The following FBXO15 variants were observed in gnomAD, a reference collection of about 807,000 sequenced individuals.
FBXO15 encodes F-box protein 15.
Under a neutral mutation model 49.5 loss-of-function variants are expected in FBXO15, and 30 were observed. That is an observed-to-expected ratio of 0.61 (90% CI 0.45 to 0.82). The LOEUF is 0.82. Among genes scored for constraint, FBXO15 ranks in the 40% least tolerant of loss-of-function variants. The probability of loss-of-function intolerance (pLI) is 0.00; values close to 1 mark genes in which losing one functional copy is unlikely to be tolerated. For missense variants in FBXO15, 591 were observed against 631.5 expected (o/e 0.94, Z 0.69); for synonymous variants, 250 against 232.7 (o/e 1.07, Z -0.68).
At chr18:74,103,742 A>G (rs1913625087) in intron 8 of FBXO15, among the ~76,000 whole-genome samples, 3 of 152,150 alleles carry the variant, frequency 2.0e-5, no homozygotes, top group Admixed American at 1.3e-4. Context: ...AAAGAAAAAG[A>G]AAATTGCCAT....
chr18:74,120,231 A>G (rs573290150), intron 8 of FBXO15, among the ~76,000 whole-genome samples: 1 of 152,322 alleles, frequency 6.6e-6, no homozygotes, highest in East Asian at 1.9e-4. Flanking sequence ...GCAAAAAAGT[A>G]CACAAATTCA....
chr18:74,082,723 C>T (rs1912558878), intron 8 of FBXO15, among the ~76,000 whole-genome samples: 1 of 152,198 alleles, frequency 6.6e-6, no homozygotes, highest in African/African-American at 2.4e-5. Flanking sequence ...CTCACACAGA[C>T]ACAAGCTTCC....
intron 8 of FBXO15, among the ~76,000 whole-genome samples, chr18:74,086,689 C>T (rs1364341211): frequency 2.0e-5 from 3 of 152,134 alleles, no homozygotes; most frequent in Non-Finnish European, 4.4e-5. Context: ...GGATTATAGG[C>T]GTGAGCCACC....
In FBXO15 at chr18:74,125,951, T is replaced by C. The variant is rs746724977; in HGVS notation, c.912+24A>G. On this transcript the variant is annotated intron_variant, in intron 6 of 9. Transcript: ENST00000419743. ...GTATTGTGATGGGGAAATGACACAG[T>C]ACATACAGGGACTCAAGTCTTACCT... 1.2e-6 allele frequency: 2 copies of C among 1,613,186 alleles called. 1 individual carries two copies. Among genetic ancestry groups the C allele is most frequent in the South Asian group, 2.2e-5 (2 of 91,038 alleles).
intron 1 of FBXO15, among the ~76,000 whole-genome samples, chr18:74,142,754 C>G (rs1979164798): frequency 6.6e-6 from 1 of 152,112 alleles, no homozygotes; most frequent in Admixed American, 6.5e-5. Context: ...GACCCTATAT[C>G]TAAAGAAAGT....
chr18:74,101,887 T>C (rs573799604), intron 8 of FBXO15, among the ~76,000 whole-genome samples: 26 of 152,120 alleles, frequency 1.7e-4, no homozygotes, highest in Admixed American at 6.6e-5. Flanking sequence ...ATTCAACAAA[T>C]GTGCTGGGAT....
intron 8 of FBXO15, among the ~76,000 whole-genome samples, chr18:74,117,278 C>T (rs969675415): frequency 6.6e-6 from 1 of 152,064 alleles, no homozygotes; most frequent in Non-Finnish European, 1.5e-5. Context: ...TCACAAAAGG[C>T]CAATTATTCC....
rs1416561717 is a variant in FBXO15 at position 74,073,372 on chromosome 18, C to A, written c.*89G>T. On this transcript the variant is annotated 3_prime_UTR_variant, in exon 10 of 10. Coordinates refer to ENST00000419743, the MANE Select transcript of FBXO15 (RefSeq NM_001142958.2). The stretch of plus-strand genomic sequence containing the variant: ...ATGAAAGGCATTGCACAGCACTCTG[C>A]AGATTTGCTTTATTTTAATTTTCAA... The A allele has an allele frequency of 2.2e-6, 3 of 1,358,868 alleles. No individual in the cohort carries two copies. The highest frequency in any genetic ancestry group is 2.3e-5 in the East Asian group (1 of 43,498). 84.2% of individuals were successfully genotyped at this position (1,358,868 alleles called of 1,614,324 possible). A position where few individuals can be genotyped will look rare whatever the true frequency, so the allele number is the denominator to read the frequency against.
At chr18:74,121,051 A>G (rs151197669) in intron 8 of FBXO15, among the ~76,000 whole-genome samples, 3 of 152,298 alleles carry the variant, frequency 2.0e-5, no homozygotes, top group East Asian at 3.9e-4. Flanking sequence ...CTTTATGCCA[A>G]TAAAGTCAGC....
intron 8 of FBXO15, among the ~76,000 whole-genome samples, chr18:74,095,383 G>A (rs1177416453): frequency 1.3e-5 from 2 of 152,222 alleles, no homozygotes; most frequent in African/African-American, 2.4e-5. Context: ...TAAAGTGAGA[G>A]ACATGCAACT....
intron 9 of FBXO15, among the ~76,000 whole-genome samples, chr18:74,080,585 A>G (rs541533536): frequency 2.0e-5 from 3 of 152,350 alleles, no homozygotes; most frequent in East Asian, 3.9e-4. Context: ...GAGCTCATGT[A>G]AAGGTCCAAT....
At chr18:74,093,352 G>A (rs1913140139) in intron 8 of FBXO15, among the ~76,000 whole-genome samples, 1 of 152,060 alleles carries the variant, frequency 6.6e-6, no homozygotes, top group Non-Finnish European at 1.5e-5. Context: ...GCTGGTGCGT[G>A]TCAGCGAGGG....
At chr18:74,097,053 G>A (rs1913310774) in intron 8 of FBXO15, 2 of 152,412 alleles carry the variant, frequency 1.3e-5, no homozygotes, top group African/African-American at 4.8e-5. Context: ...TGAAATACTG[G>A]GGCAGAGGAA....
At chr18:74,147,480 A>T (rs1979510003) in intron 1 of FBXO15, 190 bp downstream of exon 1, 1 of 1,226,612 alleles carries the variant, frequency 8.2e-7, no homozygotes, top group Non-Finnish European at 1.0e-6. Context: ...TATTTGTGTC[A>T]TAACTTAGGG....
intron 8 of FBXO15, 56 bp downstream of exon 8, chr18:74,123,312 G>GAAATA (rs1914549364): frequency 6.4e-7 from 1 of 1,560,380 alleles, no homozygotes; most frequent in South Asian, 1.2e-5. Flanking sequence ...ATCAAAATTG[G>GAAATA]TTCCCTCACC....
At chr18:74,114,729 A>G (rs938467896) in intron 8 of FBXO15, among the ~76,000 whole-genome samples, 2 of 152,222 alleles carry the variant, frequency 1.3e-5, no homozygotes, top group African/African-American at 4.8e-5. Flanking sequence ...GCAGGTAACA[A>G]TATGTGCAAG....
chr18:74,119,060 G>A lies in FBXO15; in HGVS notation c.1138+4308C>T, dbSNP rs556954129. Among the ~76,000 whole-genome samples the A allele has an allele frequency of 3.2e-4, 49 of 152,302 alleles. No homozygotes were observed. In the South Asian group the frequency reaches 8.5e-3, roughly 26 times the overall value. ...GGGGCCTCCCCAGGCCCTGGGAGGC[G>A]GGATGAGGGCAGGGCTTCCCACTCC... On this transcript the variant is annotated intron_variant, in intron 8 of 9. Coordinates refer to ENST00000419743, the MANE Select transcript of FBXO15 (RefSeq NM_001142958.2).
intron 3 of FBXO15, 107 bp downstream of exon 3, chr18:74,135,655 A>G: frequency 1.2e-6 from 1 of 843,598 alleles, no homozygotes; most frequent in South Asian, 1.8e-5. Flanking sequence ...GTGTAAAAAT[A>G]CTCTTGAATT....
chr18:74,087,935 G>A (rs1344093963), intron 8 of FBXO15, among the ~76,000 whole-genome samples: 4 of 152,158 alleles, frequency 2.6e-5, no homozygotes, highest in Non-Finnish European at 5.9e-5. Context: ...GTATCTCACT[G>A]TGGTTTTGAT....
Sources: gnomAD v4.1 joint callset for allele counts (sites outside exome capture counted in the v4.1 genomes callset) on GRCh38, gnomAD v4.1.1 for gene constraint, MANE v1.5 for transcripts, NCBI Gene and HGNC (gene_info 2026-07-23, HGNC 2026-07-21) for gene names.